Variants in TPTE observed in about 807,000 individuals in gnomAD.
TPTE encodes putative tyrosine-protein phosphatase TPTE.
In TPTE, 59 loss-of-function variants were observed where a neutral mutation model predicts 84.1. The ratio of observed to expected loss-of-function variants is 0.70; its 90% confidence interval spans 0.57 to 0.87. TPTE has a LOEUF of 0.87. Among genes scored for constraint, TPTE ranks in the 40% least tolerant of loss-of-function variants. The pLI is 0.00. For synonymous variants in TPTE, 130 were observed against 223.5 expected (o/e 0.58, Z 3.73); for missense variants, 382 against 659.6 (o/e 0.58, Z 4.61).
intron 14 of TPTE, among the ~76,000 whole-genome samples, chr21:10,576,030 A>C (rs1249962439): frequency 6.6e-6 from 1 of 152,310 alleles, no homozygotes; most frequent in Non-Finnish European, 1.5e-5. Context: ...TTCCTCAAAG[A>C]CCTAGAGGCA....
chr21:10,600,140 CT>C (rs71217979), intron 21 of TPTE, among the ~76,000 whole-genome samples: 1,143 of 142,238 alleles, frequency 8.0e-3, no homozygotes, highest in African/African-American at 0.027. Flanking sequence ...TTTTCTTTTT[CT>C]TTTTTTTTTT....
At chr21:10,547,947 T>C (rs2074499461) in intron 7 of TPTE, among the ~76,000 whole-genome samples, 1 of 152,310 alleles carries the variant, frequency 6.6e-6, no homozygotes, top group Admixed American at 6.5e-5. Context: ...TCTGAGCAGC[T>C]GATACACCCA....
intron 7 of TPTE, among the ~76,000 whole-genome samples, chr21:10,549,524 A>G (rs1468741009): frequency 1.3e-5 from 2 of 152,306 alleles, no homozygotes; most frequent in African/African-American, 4.8e-5. Flanking sequence ...CAGAAGCCCT[A>G]AGAGCTAAAC....
Position 10,605,466 on chromosome 21 carries a change from C to T in TPTE, c.1570C>T (p.Arg524Trp), listed in dbSNP as rs537829038. The T allele has an allele frequency of 1.6e-5, 26 of 1,614,010 alleles. No homozygotes were observed. Among genetic ancestry groups the T allele is most frequent in the South Asian group, 3.3e-5 (3 of 91,078 alleles). Residue 524 changes from arginine to tryptophan, a missense_variant, in exon 24 of 24, where the codon CGG becomes TGG. Arg to Trp is a moderately radical substitution (Grantham distance 101). Around this residue, in one of 10 missense-constraint regions of TPTE, gnomAD observed 120 missense variants for 79.1 expected, o/e 1.52. Coordinates refer to ENST00000618007, the MANE Select transcript of TPTE (RefSeq NM_199261.4). ...GGATAATCTACATAAACAAAAAGCA[C>T]GGAGAATTTATCCATCAGATTTTGC... is the stretch of plus-strand genomic sequence containing the variant. ...ELDNLHKQKA[R>W]RIYPSDFAVE...
chr21:10,553,177 T>C (rs544843935), intron 8 of TPTE, among the ~76,000 whole-genome samples: 1,030 of 151,894 alleles, frequency 6.8e-3, no homozygotes, highest in African/African-American at 0.018. Context: ...TTCTTATTTG[T>C]TTCTAATCTC....
At chr21:10,522,775 A>G (rs1222499834) in intron 1 of TPTE, among the ~76,000 whole-genome samples, 7 of 152,312 alleles carry the variant, frequency 4.6e-5, no homozygotes, top group African/African-American at 1.7e-4. Context: ...TTTATGAGGT[A>G]CAATGTGATG....
intron 17 of TPTE, among the ~76,000 whole-genome samples, chr21:10,584,878 G>A (rs1247342640): frequency 8.6e-5 from 13 of 151,968 alleles, no homozygotes; most frequent in Non-Finnish European, 1.8e-4. Flanking sequence ...AATGCTTTAC[G>A]AGTGTGTGTG....
chr21:10,550,095 A>G (rs1353945076), intron 7 of TPTE, among the ~76,000 whole-genome samples: 9 of 152,310 alleles, frequency 5.9e-5, no homozygotes, highest in African/African-American at 2.2e-4. Flanking sequence ...AAGACATAAA[A>G]TCTGTCATAG....
chr21:10,590,551 C>T (rs1238831239), intron 18 of TPTE, 28 bp downstream of exon 18: 7 of 1,613,436 alleles, frequency 4.3e-6, no homozygotes, highest in Non-Finnish European at 5.9e-6. Flanking sequence ...CAAACTTTGT[C>T]TTAGGATGAT....
At chr21:10,588,710 A>AT (rs1358161098) in intron 17 of TPTE, among the ~76,000 whole-genome samples, 5 of 152,088 alleles carry the variant, frequency 3.3e-5, no homozygotes, top group Non-Finnish European at 5.9e-5. Flanking sequence ...TTTAAAAAAT[A>AT]TTTTTTTCTT....
chr21:10,590,164 AATC>A (rs1314245782), intron 17 of TPTE, among the ~76,000 whole-genome samples: 6 of 152,426 alleles, frequency 3.9e-5, no homozygotes, highest in African/African-American at 1.4e-4. Flanking sequence ...TATCCAAAAA[AATC>A]ATAAAATACA....
intron 10 of TPTE, among the ~76,000 whole-genome samples, chr21:10,566,197 G>C (rs1201603116): frequency 3.3e-5 from 5 of 152,302 alleles, no homozygotes; most frequent in Admixed American, 3.3e-4. Flanking sequence ...TAAATGATAA[G>C]ATTTGAATAG....
intron 7 of TPTE, among the ~76,000 whole-genome samples, chr21:10,551,732 A>T (rs1480093630): frequency 1.0e-3 from 153 of 152,222 alleles, no homozygotes; most frequent in Non-Finnish European, 2.0e-3. Flanking sequence ...AAGAGACCTC[A>T]TAACAGATAA....
At chr21:10,540,205 A>G (rs2074342774) in intron 4 of TPTE, among the ~76,000 whole-genome samples, 1 of 152,310 alleles carries the variant, frequency 6.6e-6, no homozygotes, top group South Asian at 2.1e-4. Flanking sequence ...TGTGATACCA[A>G]GGAATACAGT....
intron 14 of TPTE, among the ~76,000 whole-genome samples, chr21:10,575,412 T>C (rs2075130449): frequency 1.3e-5 from 2 of 152,428 alleles, no homozygotes; most frequent in South Asian, 4.1e-4. Flanking sequence ...CTCTGCAGTT[T>C]GGTCAACTCA....
chr21:10,586,724 A>C (rs1338725750), intron 17 of TPTE, among the ~76,000 whole-genome samples: 2 of 152,302 alleles, frequency 1.3e-5, no homozygotes, highest in Admixed American at 6.5e-5. Flanking sequence ...TTCAACCTGC[A>C]TCCTTGATTT....
intron 7 of TPTE, among the ~76,000 whole-genome samples, chr21:10,544,461 T>A (rs469683): frequency 2.0e-5 from 3 of 152,010 alleles, no homozygotes; most frequent in African/African-American, 7.3e-5. Context: ...CTCGGCTCAC[T>A]GTAACCTCCA....
intron 5 of TPTE, 133 bp downstream of exon 5, chr21:10,541,298 C>G: frequency 8.0e-7 from 1 of 1,252,296 alleles, no homozygotes; most frequent in South Asian, 1.3e-5. Flanking sequence ...ATCGTGAAAC[C>G]CTGTCTCTAC....
rs2074606655 is a variant in TPTE, at chr21:10,552,932, C to G, written c.233+216C>G. On this transcript the variant is annotated intron_variant, in intron 8 of 23. Transcript: ENST00000618007. Reference sequence around the variant, plus strand: ...CATCCATTCAGAAATAAATGTTCTTCTAGCTTGAAAATGTAAAAAGTATTC... The same window carrying G: ...CATCCATTCAGAAATAAATGTTCTTGTAGCTTGAAAATGTAAAAAGTATTC... 4.6e-5 allele frequency among the ~76,000 whole-genome samples: 7 copies of G among 152,422 alleles called. No individual in the cohort carries two copies. The South Asian group carries it at 1.4e-3, about 32-fold the overall frequency.
Sources: allele counts gnomAD v4.1 joint callset (sites outside exome capture counted in the v4.1 genomes callset), GRCh38; gene constraint gnomAD v4.1.1; regional missense constraint gnomAD v4.1.1; transcripts MANE v1.5; gene names NCBI Gene and HGNC (gene_info 2026-07-23, HGNC 2026-07-21).